Variants in FAF1 observed in about 807,000 individuals in gnomAD.
The protein encoded by FAF1 is Fas associated factor 1.
A neutral mutation model predicts 92.5 loss-of-function variants in FAF1; 25 were observed. The observed-to-expected ratio is 0.27, with a 90% confidence interval of 0.20 to 0.38. The LOEUF is 0.38. Ranked by LOEUF, FAF1 falls within the 10% of genes least tolerant of loss-of-function variation. The probability of loss-of-function intolerance (pLI) is 1.00; values close to 1 mark genes in which losing one functional copy is unlikely to be tolerated. For missense variants in FAF1, 636 were observed against 793.3 expected, an observed-to-expected ratio of 0.80 and a Z score of 2.38; for synonymous variants, 234 against 273.2, an observed-to-expected ratio of 0.86 and a Z score of 1.42.
chr1:50,876,711 G>A (rs889604040), intron 1 of FAF1, among the ~76,000 whole-genome samples: 8 of 152,064 alleles, frequency 5.3e-5, no homozygotes, highest in Non-Finnish European at 1.2e-4. Context: ...TCGGCCTCCT[G>A]AGTAGCTGGG....
intron 18 of FAF1, 140 bp from the exon 19 acceptor site, chr1:50,441,663 A>G (rs75642970): frequency 0.01 from 4,703 of 462,100 alleles, 168 homozygotes; most frequent in African/African-American, 0.08. Context: ...TTGATCTTCA[A>G]AATAACCTGC....
At chr1:50,538,100 T>G (rs1279014934) in intron 14 of FAF1, among the ~76,000 whole-genome samples, 1 of 150,810 alleles carries the variant, frequency 6.6e-6, no homozygotes, top group Non-Finnish European at 1.5e-5. Flanking sequence ...CACACTTCAT[T>G]ATAGGATATT....
intron 6 of FAF1, among the ~76,000 whole-genome samples, chr1:50,724,820 A>T (rs1431876904): frequency 1.1e-4 from 16 of 151,914 alleles, no homozygotes; most frequent in Admixed American, 1.1e-3. Flanking sequence ...GTTCTCTACC[A>T]TTTTTTTTAC....
intron 2 of FAF1, among the ~76,000 whole-genome samples, chr1:50,837,363 C>T (rs1644217355): frequency 1.3e-5 from 2 of 152,126 alleles, no homozygotes; most frequent in Non-Finnish European, 2.9e-5. Context: ...GGAACAACTT[C>T]CCCACCTTTT....
intron 13 of FAF1, among the ~76,000 whole-genome samples, chr1:50,541,522 T>C (rs934887239): frequency 6.6e-6 from 1 of 152,168 alleles, no homozygotes; most frequent in Non-Finnish European, 1.5e-5. Context: ...TTCTAAAATA[T>C]TTTGAGTCAG....
intron 1 of FAF1, among the ~76,000 whole-genome samples, chr1:50,950,544 T>G (rs1390678216): frequency 6.6e-6 from 1 of 152,162 alleles, no homozygotes; most frequent in Non-Finnish European, 1.5e-5. Flanking sequence ...TTGCAATAAA[T>G]CCTTATTTAT....
chr1:50,901,552 TA>T (rs960763264), intron 1 of FAF1, among the ~76,000 whole-genome samples: 1 of 150,132 alleles, frequency 6.7e-6, no homozygotes, highest in African/African-American at 2.5e-5. Flanking sequence ...TTTAAAAATT[TA>T]AAAAGAAAAA....
Position 50,596,195 on chromosome 1 carries a change from G to A in FAF1, c.766C>T (p.Leu256Phe). The A allele has an allele frequency of 1.9e-6, 3 of 1,613,346 alleles. No homozygotes were observed. The highest frequency in any genetic ancestry group is 2.5e-6 in the Non-Finnish European group (3 of 1,179,328). ...DDSMCLAESG[L>F]SYPCHRLTVG... ...GTAAGTCGATGGCAGGGATAAGAGAGCCCTGATTCAGCAAGACACATCTGC... is the reference window on the plus strand; with the variant it reads ...GTAAGTCGATGGCAGGGATAAGAGAACCCTGATTCAGCAAGACACATCTGC... Residue 256 changes from leucine (L) to phenylalanine (F), a missense_variant, in exon 9 of 19, where the codon CTC (leucine) becomes TTC (phenylalanine). Leu to Phe is a conservative substitution (Grantham distance 22, BLOSUM62 0). This residue lies in a region of FAF1 where 317 missense variants were observed against 342.4 expected (regional missense o/e 0.93). Transcript: ENST00000396153.
intron 1 of FAF1, among the ~76,000 whole-genome samples, chr1:50,908,973 T>C (rs866354483): frequency 5.3e-5 from 8 of 152,220 alleles, no homozygotes; most frequent in Middle Eastern, 3.2e-3. Flanking sequence ...CTAGCATCGA[T>C]TGTCTTTACA....
intron 1 of FAF1, among the ~76,000 whole-genome samples, chr1:50,872,915 T>C (rs1391505240): frequency 1.4e-5 from 2 of 147,898 alleles, no homozygotes; most frequent in African/African-American, 2.5e-5. Context: ...AAAAAAAAAA[T>C]TGCTATCAAA....
At chr1:50,584,951 A>AC in intron 9 of FAF1, 140 bp from the exon 10 acceptor site, 1 of 798,592 alleles carries the variant, frequency 1.3e-6, no homozygotes, top group South Asian at 2.0e-5. Context: ...AAAGCTTACT[A>AC]TTTTTTCCTT....
chr1:50,825,212 A>G (rs546454244), intron 2 of FAF1, among the ~76,000 whole-genome samples: 2 of 152,258 alleles, frequency 1.3e-5, no homozygotes, highest in African/African-American at 4.8e-5. Flanking sequence ...ACCACATGCA[A>G]CCCATAAATA....
chr1:50,499,865 C>G (rs1195828434), intron 15 of FAF1, among the ~76,000 whole-genome samples: 4 of 152,036 alleles, frequency 2.6e-5, no homozygotes, highest in Non-Finnish European at 4.4e-5. Context: ...GCCTATATTT[C>G]TATATACTGG....
chr1:50,798,414 G>C (rs1661846936), intron 3 of FAF1, among the ~76,000 whole-genome samples: 1 of 152,148 alleles, frequency 6.6e-6, no homozygotes, highest in Admixed American at 6.5e-5. Flanking sequence ...AGAAAACATA[G>C]CATCAGCTCT....
intron 8 of FAF1, among the ~76,000 whole-genome samples, chr1:50,642,562 T>A (rs1286727409): frequency 6.6e-6 from 1 of 150,636 alleles, no homozygotes; most frequent in African/African-American, 2.4e-5. Context: ...GGCAGAAGAG[T>A]CACTTGAACC....
intron 2 of FAF1, among the ~76,000 whole-genome samples, chr1:50,836,110 C>G (rs1387481015): frequency 1.0e-4 from 15 of 150,386 alleles, no homozygotes; most frequent in African/African-American, 3.7e-4. Flanking sequence ...TACATAAATA[C>G]TCTCTCTGTA....
chr1:50,636,088 G>GAGAA (rs1653994799), intron 8 of FAF1, among the ~76,000 whole-genome samples: 1 of 152,088 alleles, frequency 6.6e-6, no homozygotes, highest in Non-Finnish European at 1.5e-5. Context: ...TCCTGGTTCT[G>GAGAA]TACTTTGTCT....
intron 3 of FAF1, among the ~76,000 whole-genome samples, chr1:50,792,489 C>CT (rs964947057): frequency 3.3e-5 from 5 of 152,166 alleles, no homozygotes; most frequent in Non-Finnish European, 7.3e-5. Flanking sequence ...AGCTTAAACT[C>CT]TTAATAGTTT....
At chr1:50,478,441 G>A (rs1467605082) in intron 17 of FAF1, among the ~76,000 whole-genome samples, 2 of 152,152 alleles carry the variant, frequency 1.3e-5, no homozygotes, top group Non-Finnish European at 2.9e-5. Flanking sequence ...GGGATTACAG[G>A]TGTGAACCAC....
Sources: allele counts gnomAD v4.1 joint callset (sites outside exome capture counted in the v4.1 genomes callset), GRCh38; gene constraint gnomAD v4.1.1; regional missense constraint gnomAD v4.1.1; transcripts MANE v1.5; gene names NCBI Gene and HGNC (gene_info 2026-07-23, HGNC 2026-07-21).